CDC27: variants seen among roughly 807,000 people sequenced by gnomAD.
The protein encoded by CDC27 is cell division cycle protein 27 homolog.
In CDC27, 27 loss-of-function variants were observed where a neutral mutation model predicts 109.7. The observed-to-expected ratio is 0.25, with a 90% CI of 0.18 to 0.34. The LOEUF is 0.34. Ranked by LOEUF, CDC27 falls within the 10% of genes least tolerant of loss-of-function variation. CDC27 has a pLI of 1.00. For synonymous variants in CDC27, 266 were observed against 333.9 expected, an observed-to-expected ratio of 0.80 and a Z score of 2.22; for missense variants, 579 against 960.2, an observed-to-expected ratio of 0.60 and a Z score of 5.25.
At chr17:47,180,229 GTGAA>G (rs1325772834) in intron 2 of CDC27, among the ~76,000 whole-genome samples, 1 of 152,168 alleles carries the variant, frequency 6.6e-6, no homozygotes, top group Non-Finnish European at 1.5e-5. Context: ...TTTTGCATAA[GTGAA>G]TGGAGTAGAT....
intron 8 of CDC27, among the ~76,000 whole-genome samples, chr17:47,153,729 T>C (rs2063215818): frequency 6.6e-6 from 1 of 152,166 alleles, no homozygotes; most frequent in Admixed American, 6.5e-5. Flanking sequence ...GCCACAGATA[T>C]GCTTTTTAAA....
intron 16 of CDC27, among the ~76,000 whole-genome samples, chr17:47,127,892 G>C (rs1384081426): frequency 6.6e-6 from 1 of 151,332 alleles, no homozygotes; most frequent in African/African-American, 2.4e-5. Context: ...TTTTGGTAGA[G>C]ATGGGGTTTT....
Position 47,137,310 on chromosome 17 carries a change from A to G in CDC27, c.1755T>C (p.Ile585=), listed in dbSNP as rs773586774. 4 of 1,611,394 alleles carry G rather than the reference A, an allele frequency of 2.5e-6. No individual in the cohort carries two copies. The Admixed American group carries it at 6.7e-5, about 27-fold the overall frequency. The change falls in exon 14 of 19, where the codon ATT becomes ATC. Residue 585 remains isoleucine (I), a synonymous_variant. Transcript: ENST00000066544. The part of the protein sequence containing the change: ...NCFSLQREHD[I]AIKFFQRAIQ... ...TAGCTCTCTGGAAGAATTTAATTGC[A>G]ATATCATGTTCCCGTTGCAGACTGA...
chr17:47,157,197 A>G (rs2063337957), intron 6 of CDC27, 33 bp downstream of exon 6: 2 of 1,580,908 alleles, frequency 1.3e-6, no homozygotes, highest in South Asian at 2.3e-5. Flanking sequence ...TAGTTTTCAT[A>G]ATATTTTGAA....
chr17:47,188,477 T>C (rs2064534435), intron 1 of CDC27, among the ~76,000 whole-genome samples: 1 of 151,896 alleles, frequency 6.6e-6, no homozygotes, highest in Non-Finnish European at 1.5e-5. Context: ...CACAACAAAA[T>C]GCTCCTGATC....
At chr17:47,123,181 G>T (rs1242317116) in intron 17 of CDC27, among the ~76,000 whole-genome samples, 6 of 151,974 alleles carry the variant, frequency 3.9e-5, no homozygotes, top group Admixed American at 3.9e-4. Context: ...CAATGATAAT[G>T]GGATTAAATG....
At chr17:47,125,412 A>G (rs2062108513) in intron 16 of CDC27, among the ~76,000 whole-genome samples, 1 of 149,920 alleles carries the variant, frequency 6.7e-6, no homozygotes, top group African/African-American at 2.5e-5. Context: ...ATGCCTGGCT[A>G]ATTTTTGTAT....
intron 4 of CDC27, among the ~76,000 whole-genome samples, chr17:47,160,377 A>G (rs530198930): frequency 7.9e-5 from 12 of 151,906 alleles, no homozygotes; most frequent in Non-Finnish European, 1.5e-4. Context: ...ACAGGTGCAC[A>G]CCACCATGCC....
intron 1 of CDC27, among the ~76,000 whole-genome samples, chr17:47,183,857 C>T (rs1416221285): frequency 2.0e-5 from 3 of 152,136 alleles, no homozygotes; most frequent in South Asian, 2.1e-4. Flanking sequence ...ACTGTTGACA[C>T]TCTTGTACGT....
intron 4 of CDC27, among the ~76,000 whole-genome samples, chr17:47,165,205 A>G (rs2063607993): frequency 6.6e-6 from 1 of 152,120 alleles, no homozygotes; most frequent in East Asian, 1.9e-4. Context: ...GGACTAGTTT[A>G]TCTATTTACT....
chr17:47,133,352 G>C (rs2148829867), intron 14 of CDC27, among the ~76,000 whole-genome samples: 1 of 150,892 alleles, frequency 6.6e-6, no homozygotes, highest in African/African-American at 2.4e-5. Context: ...TGGTCAGGCT[G>C]GTCTTGAACT....
At chr17:47,157,196 T>C (rs765815446) in intron 6 of CDC27, 34 bp downstream of exon 6, 10 of 1,577,616 alleles carry the variant, frequency 6.3e-6, no homozygotes, top group Non-Finnish European at 8.6e-6. Flanking sequence ...GTAGTTTTCA[T>C]AATATTTTGA....
chr17:47,187,844 G>A (rs1466393959), intron 1 of CDC27, among the ~76,000 whole-genome samples: 1 of 39,474 alleles, frequency 2.5e-5, no homozygotes, highest in Non-Finnish European at 4.7e-5. Context: ...CTCATCTACA[G>A]CCAGAATAAA....
At chr17:47,188,310 G>A (rs574473611) in intron 1 of CDC27, among the ~76,000 whole-genome samples, 4 of 152,204 alleles carry the variant, frequency 2.6e-5, no homozygotes, top group Admixed American at 2.0e-4. Flanking sequence ...TGTCAGGGGG[G>A]AAAATGACTT....
At chr17:47,178,962 C>T (rs565521236) in intron 2 of CDC27, among the ~76,000 whole-genome samples, 1 of 152,196 alleles carries the variant, frequency 6.6e-6, no homozygotes, top group South Asian at 2.1e-4. Flanking sequence ...GCCACTACAC[C>T]GGCTAATTTT....
rs199829880 is a variant in CDC27, at chr17:47,189,215, C to T, written c.-43G>A. The T allele has an allele frequency of 1.9e-6, 3 of 1,551,926 alleles. No homozygotes were observed. Among genetic ancestry groups the T allele is most frequent in the Non-Finnish European group, 2.7e-6 (3 of 1,123,596 alleles). On this transcript the variant is annotated 5_prime_UTR_variant, in exon 1 of 19. Transcript: ENST00000066544. ...ACTTTCTGCAGTGCCTCAGGCCCCC[C>T]CTGTAGCGGCTCCGGCCCGGCCAGC...
intron 3 of CDC27, among the ~76,000 whole-genome samples, chr17:47,171,455 G>C (rs1003627811): frequency 3.3e-5 from 5 of 152,174 alleles, no homozygotes; most frequent in Non-Finnish European, 7.3e-5. Context: ...CTAACTATCT[G>C]TATCTCTAAA....
At position 47,147,122 on chromosome 17, in the gene CDC27, C is replaced by T. The variant is rs115931975; in HGVS notation, c.1071-3140G>A. Among the ~76,000 whole-genome samples the T allele has an allele frequency of 4.4e-3, 669 of 152,108 alleles. 8 individuals are homozygous for T. The highest frequency in any genetic ancestry group is 0.015 in the African/African-American group (637 of 41,486). On this transcript the variant is annotated intron_variant, in intron 9 of 18. Coordinates refer to ENST00000066544, the MANE Select transcript of CDC27 (RefSeq NM_001256.6). ...ATCCAATTAAAAAACACTAGGCAGCCGGGCGCGGTGGCTCACGCCTGTAAT... is the reference window on the plus strand; with the variant it reads ...ATCCAATTAAAAAACACTAGGCAGCTGGGCGCGGTGGCTCACGCCTGTAAT...
At chr17:47,188,034 G>C (rs2064513406) in intron 1 of CDC27, among the ~76,000 whole-genome samples, 1 of 152,130 alleles carries the variant, frequency 6.6e-6, no homozygotes, top group Non-Finnish European at 1.5e-5. Flanking sequence ...TAGAAGAAAT[G>C]AGTATTTCAT....
Sources: gnomAD v4.1 joint callset for allele counts (sites outside exome capture counted in the v4.1 genomes callset) on GRCh38, gnomAD v4.1.1 for gene constraint, MANE v1.5 for transcripts, NCBI Gene and HGNC (gene_info 2026-07-23, HGNC 2026-07-21) for gene names.